SLC35F3: variants seen among roughly 807,000 people sequenced by gnomAD.
The protein encoded by SLC35F3 is solute carrier family 35 member F3.
SLC35F3 carries 25 observed loss-of-function variants against 49.9 expected under a neutral mutation model. That is an observed-to-expected ratio of 0.50 (90% CI 0.37 to 0.70). SLC35F3 has a LOEUF of 0.70. Among genes scored for constraint, SLC35F3 ranks in the 30% least tolerant of loss-of-function variants. The pLI, the probability that SLC35F3 is intolerant of heterozygous loss-of-function variation, is 0.00. For missense variants in SLC35F3, 525 were observed against 639.8 expected, an observed-to-expected ratio of 0.82 and a Z score of 1.94; for synonymous variants, 275 against 265.4, an observed-to-expected ratio of 1.04 and a Z score of -0.35.
chr1:234,251,588 C>G (rs1667739557), intron 3 of SLC35F3, among the ~76,000 whole-genome samples: 1 of 151,982 alleles, frequency 6.6e-6, no homozygotes, highest in Admixed American at 6.6e-5. Context: ...ATAAAAATGT[C>G]CATCCTTCCT....
intron 3 of SLC35F3, among the ~76,000 whole-genome samples, chr1:234,238,267 C>G (rs1667505218): frequency 6.6e-6 from 1 of 152,196 alleles, no homozygotes; most frequent in Non-Finnish European, 1.5e-5. Context: ...GCCCCATACA[C>G]ACACACATAG....
At chr1:234,072,159 G>A (rs997947111) in intron 2 of SLC35F3, among the ~76,000 whole-genome samples, 51 of 152,224 alleles carry the variant, frequency 3.4e-4, no homozygotes, top group African/African-American at 1.1e-3. Flanking sequence ...AGAAGAATAG[G>A]ACAATCCTAA....
chr1:233,998,186 G>T (rs889839802), intron 2 of SLC35F3, among the ~76,000 whole-genome samples: 7 of 152,046 alleles, frequency 4.6e-5, no homozygotes, highest in Non-Finnish European at 2.9e-5. Context: ...AATAAAGTCT[G>T]GTTCAATCAT....
At chr1:234,156,409 G>A (rs1666153823) in intron 2 of SLC35F3, among the ~76,000 whole-genome samples, 1 of 152,134 alleles carries the variant, frequency 6.6e-6, no homozygotes, top group Admixed American at 6.5e-5. Context: ...ACCCAAAAGC[G>A]ATCATCGAGT....
intron 3 of SLC35F3, among the ~76,000 whole-genome samples, chr1:234,302,305 G>GA (rs1668705711): frequency 6.6e-6 from 1 of 152,166 alleles, no homozygotes; most frequent in East Asian, 1.9e-4. Context: ...GTTTCAGGGA[G>GA]AAACAGTCAA....
At chr1:233,934,724 A>G (rs1440728079) in intron 2 of SLC35F3, among the ~76,000 whole-genome samples, 2 of 151,574 alleles carry the variant, frequency 1.3e-5, no homozygotes, top group African/African-American at 4.8e-5. Context: ...AGATACCACT[A>G]TACAGGAGAT....
In SLC35F3 at chr1:234,260,356, AAG is replaced by A. The variant is rs1426045613; in HGVS notation, c.608+28619_608+28620del. ...CTTCATTATGTTCTCACTTAAAAAA[AAG>A]AGAAAAAACTACTTGTTTAGACCAA... On this transcript the variant is annotated intron_variant, in intron 3 of 7. Transcript: ENST00000366618. Among the ~76,000 whole-genome samples the A allele has an allele frequency of 5.9e-5, 9 of 152,234 alleles. No individual in the cohort carries two copies. In the East Asian group the frequency reaches 1.5e-3, roughly 26 times the overall value.
intron 2 of SLC35F3, among the ~76,000 whole-genome samples, chr1:233,945,943 C>G (rs1461623062): frequency 6.6e-6 from 1 of 152,168 alleles, no homozygotes; most frequent in Non-Finnish European, 1.5e-5. Flanking sequence ...TTTTAAATAG[C>G]CAAAAGCTAC....
At chr1:234,107,655 C>T (rs1665305152) in intron 2 of SLC35F3, among the ~76,000 whole-genome samples, 1 of 116,472 alleles carries the variant, frequency 8.6e-6, no homozygotes, top group Non-Finnish European at 1.9e-5. Context: ...CTCTATTTAC[C>T]CAGCTCCTGG....
chr1:234,303,316 C>T (rs1668722054), intron 3 of SLC35F3, among the ~76,000 whole-genome samples: 1 of 152,196 alleles, frequency 6.6e-6, no homozygotes, highest in South Asian at 2.1e-4. Flanking sequence ...ACCTCAAAAG[C>T]CTATCACTAT....
rs1004328828 is a variant in SLC35F3, at chr1:234,252,151, C to T, written c.608+20410C>T. ...ATGGCATGATCTCAGCTCACTGAAA[C>T]CTCTGCGTCCCAGATTCAAGTGATT... On this transcript the variant is annotated intron_variant, in intron 3 of 7. Transcript: ENST00000366618. 5.9e-5 allele frequency among the ~76,000 whole-genome samples: 9 copies of T among 152,134 alleles called. No homozygotes were observed. The East Asian group carries it at 9.7e-4, about 16-fold the overall frequency.
intron 2 of SLC35F3, among the ~76,000 whole-genome samples, chr1:233,910,752 A>G (rs905559210): frequency 1.3e-5 from 2 of 152,196 alleles, no homozygotes; most frequent in African/African-American, 4.8e-5. Context: ...ATGAAGTGCA[A>G]TTATCATTTG....
intron 2 of SLC35F3, among the ~76,000 whole-genome samples, chr1:234,032,681 A>G (rs140501771): frequency 1.1e-4 from 17 of 152,208 alleles, no homozygotes; most frequent in Non-Finnish European, 2.2e-4. Context: ...TGCAAATGCC[A>G]TTATTTCATT....
intron 3 of SLC35F3, among the ~76,000 whole-genome samples, chr1:234,294,944 A>G (rs1304451231): frequency 6.6e-6 from 1 of 152,246 alleles, no homozygotes; most frequent in Non-Finnish European, 1.5e-5. Context: ...ATGGAAGAGG[A>G]GAGAGCCAGT....
chr1:233,958,092 TAG>T (rs1157143505), intron 2 of SLC35F3, among the ~76,000 whole-genome samples: 3 of 152,202 alleles, frequency 2.0e-5, no homozygotes, highest in African/African-American at 7.2e-5. Flanking sequence ...CCAGTCCTCT[TAG>T]AGACGAGGCA....
intron 2 of SLC35F3, among the ~76,000 whole-genome samples, chr1:234,200,070 G>A (rs1201013634): frequency 1.3e-5 from 2 of 152,212 alleles, no homozygotes; most frequent in Admixed American, 1.3e-4. Flanking sequence ...TCAGAAAAGA[G>A]TATGGAGGTT....
chr1:234,096,158 T>C (rs975487254), intron 2 of SLC35F3, among the ~76,000 whole-genome samples: 1 of 152,226 alleles, frequency 6.6e-6, no homozygotes, highest in Non-Finnish European at 1.5e-5. Flanking sequence ...TATTTCCTTT[T>C]CTCCCCTCAG....
chr1:234,136,232 C>T (rs986668586), intron 2 of SLC35F3, among the ~76,000 whole-genome samples: 1 of 151,666 alleles, frequency 6.6e-6, no homozygotes, highest in Non-Finnish European at 1.5e-5. Flanking sequence ...TCTCCTTCCT[C>T]CCTTCCTCTC....
At chr1:234,248,160 T>TTGGC (rs1343392928) in intron 3 of SLC35F3, among the ~76,000 whole-genome samples, 3 of 152,090 alleles carry the variant, frequency 2.0e-5, no homozygotes, top group African/African-American at 7.2e-5. Context: ...AGTGGGTTGG[T>TTGGC]TGGCTGGTCC....
Sources: allele counts gnomAD v4.1 joint callset (sites outside exome capture counted in the v4.1 genomes callset), GRCh38; gene constraint gnomAD v4.1.1; transcripts MANE v1.5; gene names NCBI Gene and HGNC (gene_info 2026-07-23, HGNC 2026-07-21).